KCNK15: variants seen among roughly 807,000 people sequenced by gnomAD.
KCNK15 encodes the protein potassium two pore domain channel subfamily K member 15, also known as potassium channel subfamily K member 15.
In KCNK15, 9 loss-of-function variants were observed where a neutral mutation model predicts 8.5. The observed-to-expected ratio is 1.06, with a 90% CI of 0.64 to 1.85. The LOEUF (loss-of-function observed/expected upper bound fraction) is 1.85, where lower values mean the gene tolerates loss of function less well. KCNK15 is among the 40% of genes most tolerant of loss of function. The pLI is 0.00. For missense variants in KCNK15, 467 were observed against 476.8 expected, an observed-to-expected ratio of 0.98 and a Z score of 0.19; for synonymous variants, 224 against 232.7, an observed-to-expected ratio of 0.96 and a Z score of 0.34.
rs1205120322 is a variant in KCNK15, at chr20:44,751,128, A to G, written c.*290A>G. The G allele has an allele frequency of 7.7e-6, 2 of 261,252 alleles. No homozygotes were observed. The highest frequency in any genetic ancestry group is 1.4e-5 in the Non-Finnish European group (2 of 139,812). The allele number at this position is 261,252 out of a possible 1,614,324, so 16.2% of individuals were successfully genotyped here. On this transcript the variant is annotated 3_prime_UTR_variant, in exon 2 of 2. Coordinates refer to ENST00000372861, the MANE Select transcript of KCNK15 (RefSeq NM_022358.4). ...TCAGCACTTAGGAGAGGCTCTGCAC[A>G]GGTCCACCTCAGAGCCGACCCTCCA...
rs2066033779 is a variant in KCNK15 at position 44,751,847 on chromosome 20, T to C, written c.*1009T>C. ...AACTTTAATTTCAACATGAGCTACATGGTCATGAACACAATGCAACGCGAC... is the reference window on the plus strand; with the variant it reads ...AACTTTAATTTCAACATGAGCTACACGGTCATGAACACAATGCAACGCGAC... On this transcript the variant is annotated 3_prime_UTR_variant, in exon 2 of 2. Coordinates refer to ENST00000372861, the MANE Select transcript of KCNK15 (RefSeq NM_022358.4). 6.6e-6 allele frequency: 1 copy of C among 152,164 alleles called. No individual in the cohort carries two copies. The highest frequency in any genetic ancestry group is 1.5e-5 in the Non-Finnish European group (1 of 68,038). 9.4% of individuals were successfully genotyped at this position (152,164 alleles called of 1,614,324 possible).
At position 44,750,586 on chromosome 20, in the gene KCNK15, C is replaced by T; in HGVS notation, c.741C>T (p.Leu247=). 5 of 1,589,482 alleles carry T rather than the reference C, an allele frequency of 3.1e-6. No individual in the cohort carries two copies. The highest frequency in any genetic ancestry group is 4.3e-6 in the Non-Finnish European group (5 of 1,164,210). ...TCAACCTGGTGGTCCTGCGCTTCCT[C>T]GTTGCCAGCGCCGACTGGCCCGAGC... The part of the protein sequence containing the change: ...AFLNLVVLRF[L]VASADWPERA... Residue 247 remains leucine, a synonymous_variant, in exon 2 of 2, where the codon CTC becomes CTT. Coordinates refer to ENST00000372861, the MANE Select transcript of KCNK15 (RefSeq NM_022358.4).
Position 44,751,444 on chromosome 20 carries a change from C to CT in KCNK15, c.*606_*607insT, listed in dbSNP as rs2066031708. ...GCTGATGCTCTTTGTCCCTGGCCAG[C>CT]CCCACTTCAGGATGAGGGAGGCCTT... On this transcript the variant is annotated 3_prime_UTR_variant, in exon 2 of 2. Coordinates refer to ENST00000372861, the MANE Select transcript of KCNK15 (RefSeq NM_022358.4). 1 of 152,348 alleles carries CT rather than the reference C, an allele frequency of 6.6e-6. No homozygotes were observed. The allele number at this position is 152,348 out of a possible 1,614,324, so 9.4% of individuals were successfully genotyped here. A position where few individuals can be genotyped will look rare whatever the true frequency, so the allele number is the denominator to read the frequency against.
rs1404133957 is a variant in KCNK15, at chr20:44,746,054, C to T, written c.144C>T (p.Leu48=). Residue 48 remains leucine, a synonymous_variant, in exon 1 of 2, where the codon CTC becomes CTT. Coordinates refer to ENST00000372861, the MANE Select transcript of KCNK15 (RefSeq NM_022358.4). ...TGCTGGTCCAGAAGCGGGGCGCTCT[C>T]CGGAGGAAGTTCGGCTTCTCGGCCG... ...QRLLVQKRGA[L]RRKFGFSAED... The T allele has an allele frequency of 6.4e-7, 1 of 1,551,932 alleles. No homozygotes were observed. Among genetic ancestry groups the T allele is most frequent in the South Asian group, 1.2e-5 (1 of 85,136 alleles).
chr20:44,745,887 G>A lies in KCNK15; in HGVS notation c.-24G>A, dbSNP rs200142853. On this transcript the variant is annotated 5_prime_UTR_variant, in exon 1 of 2. Coordinates refer to ENST00000372861, the MANE Select transcript of KCNK15 (RefSeq NM_022358.4). ...GGCACACGGAGCAGGTTGGGACCGC[G>A]GCGGGTACCGGGGCCGGGGCGCCAT... 2.7e-4 allele frequency: 347 copies of A among 1,281,516 alleles called. 1 individual carries two copies. In the African/African-American group the frequency reaches 4.9e-3, roughly 18 times the overall value. The allele number at this position is 1,281,516 out of a possible 1,614,324, so 79.4% of individuals were successfully genotyped here.
intron 1 of KCNK15, among the ~76,000 whole-genome samples, chr20:44,747,625 A>G (rs1175007778): frequency 1.3e-5 from 2 of 152,240 alleles, no homozygotes; most frequent in Admixed American, 6.5e-5. Flanking sequence ...CCTCTGAGGT[A>G]CGTCTGGGAG....
Position 44,750,878 on chromosome 20 carries a change from G to T in KCNK15, c.*40G>T. ...CCAGGGTCGAATCTGGAATGGGAGG[G>T]TCTGGCTTCAGCTATCAGGGCACCC... On this transcript the variant is annotated 3_prime_UTR_variant, in exon 2 of 2. Coordinates refer to ENST00000372861, the MANE Select transcript of KCNK15 (RefSeq NM_022358.4). 1 of 1,292,604 alleles carries T rather than the reference G, an allele frequency of 7.7e-7. No homozygotes were observed. The highest frequency in any genetic ancestry group is 9.9e-7 in the Non-Finnish European group (1 of 1,006,862). The allele number at this position is 1,292,604 out of a possible 1,614,324, so 80.1% of individuals were successfully genotyped here.
At chr20:44,749,694 G>GTAGT in intron 1 of KCNK15, among the ~76,000 whole-genome samples, 1 of 152,262 alleles carries the variant, frequency 6.6e-6, no homozygotes, top group East Asian at 1.9e-4. Flanking sequence ...CATGCCTTCT[G>GTAGT]TAGTTAAGCC....
chr20:44,751,667 G>C lies in KCNK15; in HGVS notation c.*829G>C, dbSNP rs2066032884. ...GCTCCCTCTTACGCATCTCTGGCAG[G>C]ACTTTCTGGAACAGGCCCCTGCACC... On this transcript the variant is annotated 3_prime_UTR_variant, in exon 2 of 2. Transcript: ENST00000372861. 6.6e-6 allele frequency: 1 copy of C among 152,172 alleles called. No homozygotes were observed. Among genetic ancestry groups the C allele is most frequent in the Non-Finnish European group, 1.5e-5 (1 of 68,046 alleles). The allele number at this position is 152,172 out of a possible 1,614,324, so 9.4% of individuals were successfully genotyped here.
At position 44,751,190 on chromosome 20, in the gene KCNK15, A is replaced by C. The variant is rs572384742; in HGVS notation, c.*352A>C. On this transcript the variant is annotated 3_prime_UTR_variant, in exon 2 of 2. Transcript: ENST00000372861. ...CTGTTGTGAAGAGGCTGGTTTTCTG[A>C]GTAACGGTTGAAATGTGCAACTTTC... 1 of 183,092 alleles carries C rather than the reference A, an allele frequency of 5.5e-6. No homozygotes were observed. Among genetic ancestry groups the C allele is most frequent in the East Asian group, 1.3e-4 (1 of 7,570 alleles). 11.3% of individuals were successfully genotyped at this position (183,092 alleles called of 1,614,324 possible).
chr20:44,746,842 T>C (rs1294291363), intron 1 of KCNK15: 1 of 152,232 alleles, frequency 6.6e-6, no homozygotes, highest in Admixed American at 6.5e-5. Context: ...AGATGATCAA[T>C]AAATACTTGT....
rs146620343 is a variant in KCNK15, at chr20:44,747,766, A to G, written c.283+1573A>G. The stretch of plus-strand genomic sequence containing the variant: ...GAGAGCCAGGTGCCAGGCCCCAGGA[A>G]TTTGGGCTTTGCTTGGATGGGAGAG... On this transcript the variant is annotated intron_variant, in intron 1 of 1. Transcript: ENST00000372861. Among the ~76,000 whole-genome samples the G allele has an allele frequency of 2.5e-3, 382 of 152,360 alleles. 2 individuals are homozygous for G. The highest frequency in any genetic ancestry group is 8.9e-3 in the African/African-American group (370 of 41,586).
chr20:44,750,332 G>C lies in KCNK15; in HGVS notation c.487G>C (p.Gly163Arg), dbSNP rs766099108. 6.2e-7 allele frequency: 1 copy of C among 1,610,860 alleles called. No homozygotes were observed. The highest frequency in any genetic ancestry group is 1.3e-5 in the African/African-American group (1 of 74,874). ...GTCCACGGAGAACCTGGTGGTGGCC[G>C]GGCTGCTGGCGTGTGCCGCCACCCT... Reference protein sequence around the residue: ...CVSTENLVVAGLLACAATLAL... With the variant: ...CVSTENLVVARLLACAATLAL... Residue 163 changes from glycine to arginine, a missense_variant, in exon 2 of 2, where the codon GGG becomes CGG. By Grantham distance (125) the Gly-to-Arg change is moderately radical. This residue lies in a region of KCNK15 where 455 missense variants were observed against 441.2 expected (regional missense o/e 1.03). Transcript: ENST00000372861.
Position 44,750,841 on chromosome 20 carries a change from A to T in KCNK15, c.*3A>T. ...GGGCCCGGTGGAAGTCCATCTGACA[A>T]CCCCACCCAGGCCAGGGTCGAATCT... On this transcript the variant is annotated 3_prime_UTR_variant, in exon 2 of 2. Transcript: ENST00000372861. The T allele has an allele frequency of 7.0e-7, 1 of 1,432,360 alleles. No individual in the cohort carries two copies. Among genetic ancestry groups the T allele is most frequent in the Non-Finnish European group, 9.1e-7 (1 of 1,093,912 alleles). The allele number at this position is 1,432,360 out of a possible 1,614,324, so 88.7% of individuals were successfully genotyped here.
Position 44,746,363 on chromosome 20 carries a change from C to T in KCNK15, c.283+170C>T, listed in dbSNP as rs193052220. On this transcript the variant is annotated intron_variant, in intron 1 of 1. Coordinates refer to ENST00000372861, the MANE Select transcript of KCNK15 (RefSeq NM_022358.4). ...TCGCCTCCCTCGTCTCCCTGGTCTC[C>T]TTTGCCCCCCTCTGCTGAATGGAGC... Among the ~76,000 whole-genome samples the T allele has an allele frequency of 6.2e-3, 946 of 152,312 alleles. 7 individuals carry two copies. Among genetic ancestry groups the T allele is most frequent in the Non-Finnish European group, 9.4e-3 (642 of 68,024 alleles).
In KCNK15 at chr20:44,750,768, C is replaced by T; in HGVS notation, c.923C>T (p.Pro308Leu). 6.6e-7 allele frequency: 1 copy of T among 1,511,248 alleles called. No homozygotes were observed. The highest frequency in any genetic ancestry group is 2.6e-5 in the East Asian group (1 of 37,956). The allele number at this position is 1,511,248 out of a possible 1,614,324, so 93.6% of individuals were successfully genotyped here. The change falls in exon 2 of 2, where the codon CCC becomes CTC. Residue 308 changes from proline (P) to leucine (L), a missense_variant. Pro to Leu is a moderately conservative substitution (Grantham distance 98, BLOSUM62 -3). This residue lies in a region of KCNK15 where 455 missense variants were observed against 441.2 expected (regional missense o/e 1.03). Coordinates refer to ENST00000372861, the MANE Select transcript of KCNK15 (RefSeq NM_022358.4). ...GCCCGCGACAACCTGGGCTTTTCGC[C>T]CCCCTCGAGCCCGGGGGTCGTGCGT... ...RCARDNLGFSPPSSPGVVRGG... is the reference protein window; with the variant it reads ...RCARDNLGFSLPSSPGVVRGG...
Position 44,750,181 on chromosome 20 carries a change from C to G in KCNK15, c.336C>G (p.Phe112Leu), listed in dbSNP as rs527835811. Residue 112 changes from phenylalanine to leucine, a missense_variant, in exon 2 of 2, where the codon TTC (phenylalanine) becomes TTG (leucine). Physicochemically the swap from Phe to Leu is conservative, Grantham distance 22. Coordinates refer to ENST00000372861, the MANE Select transcript of KCNK15 (RefSeq NM_022358.4). ...GTDSGKVFCM[F>L]YALLGIPLTL... ...ACTCCGGCAAGGTCTTCTGCATGTT[C>G]TACGCGCTCCTGGGCATCCCGCTGA... The G allele has an allele frequency of 3.7e-6, 6 of 1,612,870 alleles. No homozygotes were observed. Among genetic ancestry groups the G allele is most frequent in the African/African-American group, 1.3e-5 (1 of 75,046 alleles).
chr20:44,745,875 G>A lies in KCNK15; in HGVS notation c.-36G>A. The A allele has an allele frequency of 7.8e-7, 1 of 1,274,622 alleles. No individual in the cohort carries two copies. Among genetic ancestry groups the A allele is most frequent in the Admixed American group, 4.1e-5 (1 of 24,366 alleles). 79.0% of individuals were successfully genotyped at this position (1,274,622 alleles called of 1,614,324 possible). A position where few individuals can be genotyped will look rare whatever the true frequency, so the allele number is the denominator to read the frequency against. On this transcript the variant is annotated 5_prime_UTR_variant, in exon 1 of 2. Transcript: ENST00000372861. ...GCGCGCGGTCCGGGCACACGGAGCA[G>A]GTTGGGACCGCGGCGGGTACCGGGG... is the stretch of plus-strand genomic sequence containing the variant.
intron 1 of KCNK15, among the ~76,000 whole-genome samples, chr20:44,748,150 C>G (rs2066015223): frequency 6.6e-6 from 1 of 152,184 alleles, no homozygotes; most frequent in Non-Finnish European, 1.5e-5. Flanking sequence ...CAGTCCCAAA[C>G]AGCTGGAAGC....
Sources: allele counts gnomAD v4.1 joint callset (sites outside exome capture counted in the v4.1 genomes callset), GRCh38; gene constraint gnomAD v4.1.1; regional missense constraint gnomAD v4.1.1; transcripts MANE v1.5; gene names NCBI Gene and HGNC (gene_info 2026-07-23, HGNC 2026-07-21).